Variants in CACNA2D4 observed in about 807,000 individuals in gnomAD.
CACNA2D4 encodes voltage-dependent calcium channel subunit alpha-2/delta-4.
A neutral mutation model predicts 163.8 loss-of-function variants in CACNA2D4; 157 were observed. The observed-to-expected ratio is 0.96, with a 90% CI of 0.84 to 1.09. CACNA2D4 has a LOEUF of 1.09. Ranked by LOEUF, CACNA2D4 falls within the 50% of genes least tolerant of loss-of-function variation. CACNA2D4 has a pLI of 0.00. For synonymous variants in CACNA2D4, 598 were observed against 586.9 expected, an observed-to-expected ratio of 1.02 and a Z score of -0.27; for missense variants, 1,410 against 1,479.9, an observed-to-expected ratio of 0.95 and a Z score of 0.78.
intron 34 of CACNA2D4, 95 bp from the exon 35 acceptor site, chr12:1,797,630 C>T: frequency 1.1e-6 from 1 of 901,974 alleles, no homozygotes; most frequent in South Asian, 1.4e-5. Flanking sequence ...CACCCCAGTG[C>T]ATTTGCAGAG....
rs180839579 is a variant in CACNA2D4, at chr12:1,875,572, G to C, written c.1720-235C>G. ...TCTGAGTGAATCTTCCCCATGGCAG[G>C]GAGCTCCCTATCTCGTGGGTCAGCT... On this transcript the variant is annotated intron_variant, in intron 16 of 37. Coordinates refer to ENST00000382722, the MANE Select transcript of CACNA2D4 (RefSeq NM_172364.5). The surrounding 1 kb of genome is among the most constrained non-coding windows in gnomAD (Gnocchi z 4.0). 6.6e-6 allele frequency among the ~76,000 whole-genome samples: 1 copy of C among 152,112 alleles called. No individual in the cohort carries two copies. The highest frequency in any genetic ancestry group is 1.5e-5 in the Non-Finnish European group (1 of 68,030).
Position 1,829,454 on chromosome 12 carries a change from G to A in CACNA2D4, c.2551+11285C>T, listed in dbSNP as rs2154447000. On this transcript the variant is annotated intron_variant, in intron 26 of 37. Coordinates refer to ENST00000382722, the MANE Select transcript of CACNA2D4 (RefSeq NM_172364.5). The surrounding 1 kb of genome is among the most constrained non-coding windows in gnomAD (Gnocchi z 4.2). ...ATGGCCAGAAAAAGGGTCTCCGGTGGCTTCCATGGCTGTACCTGTGCTCAC... is the reference window on the plus strand; with the variant it reads ...ATGGCCAGAAAAAGGGTCTCCGGTGACTTCCATGGCTGTACCTGTGCTCAC... Among the ~76,000 whole-genome samples the A allele has an allele frequency of 6.6e-6, 1 of 152,192 alleles. No individual in the cohort carries two copies. Among genetic ancestry groups the A allele is most frequent in the South Asian group, 2.1e-4 (1 of 4,822 alleles).
At chr12:1,848,760 G>A (rs1000041204) in intron 23 of CACNA2D4, among the ~76,000 whole-genome samples, 1 of 64,732 alleles carries the variant, frequency 1.5e-5, no homozygotes, top group African/African-American at 6.3e-5. Flanking sequence ...TTAACCCATT[G>A]CAATTATTAT....
intron 23 of CACNA2D4, among the ~76,000 whole-genome samples, chr12:1,849,438 C>T (rs1400012495): frequency 1.3e-5 from 2 of 152,180 alleles, no homozygotes; most frequent in East Asian, 1.9e-4. Flanking sequence ...GACTGCTTAA[C>T]ATTTTATTTA....
At position 1,834,766 on chromosome 12, in the gene CACNA2D4, A is replaced by G. The variant is rs1565699786; in HGVS notation, c.2551+5973T>C. ...CAGGTAGGAAGGGCGGGGAGAGCAC[A>G]CGGCATTGCTCAGCCACAGCTCCCA... On this transcript the variant is annotated intron_variant, in intron 26 of 37. Coordinates refer to ENST00000382722, the MANE Select transcript of CACNA2D4 (RefSeq NM_172364.5). This position sits in a 1 kb window ranked among gnomAD's most constrained non-coding sequence, Gnocchi z 7.6. The G allele has an allele frequency of 6.5e-7, 1 of 1,536,380 alleles. No homozygotes were observed. Among genetic ancestry groups the G allele is most frequent in the African/African-American group, 1.4e-5 (1 of 73,316 alleles).
Position 1,834,428 on chromosome 12 carries a change from C to G in CACNA2D4, c.2551+6311G>C. On this transcript the variant is annotated intron_variant, in intron 26 of 37. Transcript: ENST00000382722. The surrounding 1 kb of genome is among the most constrained non-coding windows in gnomAD (Gnocchi z 7.6). ...TGGGCCACCCTGCACCAAGGCCAGT[C>G]CAGAGCCTGCTAAGCCCAAGCCCGG... is the stretch of plus-strand genomic sequence containing the variant. 1 of 1,612,828 alleles carries G rather than the reference C, an allele frequency of 6.2e-7. No individual in the cohort carries two copies. Among genetic ancestry groups the G allele is most frequent in the Non-Finnish European group, 8.5e-7 (1 of 1,179,990 alleles).
chr12:1,884,468 C>T, intron 11 of CACNA2D4, 147 bp from the exon 12 acceptor site: 1 of 701,754 alleles, frequency 1.4e-6, no homozygotes, highest in Admixed American at 2.1e-5. Context: ...CAGGCAGCAA[C>T]ACAATTCGCC....
intron 26 of CACNA2D4, among the ~76,000 whole-genome samples, chr12:1,832,276 G>A (rs763484011): frequency 5.9e-5 from 9 of 152,200 alleles, no homozygotes; most frequent in African/African-American, 1.9e-4. Flanking sequence ...TTACCCTTTC[G>A]CTGTGGCAGG....
chr12:1,879,690 A>G (rs761478244), intron 14 of CACNA2D4, 114 bp downstream of exon 14: 6 of 839,030 alleles, frequency 7.2e-6, no homozygotes, highest in Non-Finnish European at 1.2e-5. Flanking sequence ...CTGCATTCAA[A>G]CCCTCCCAAG....
chr12:1,797,270 C>T (rs1863156975), intron 35 of CACNA2D4, 148 bp downstream of exon 35: 1 of 657,884 alleles, frequency 1.5e-6, no homozygotes, highest in Non-Finnish European at 2.7e-6. Flanking sequence ...GGGGAAGACC[C>T]CGGGAGCGTG....
intron 20 of CACNA2D4, 108 bp from the exon 21 acceptor site, chr12:1,856,337 G>T: frequency 2.5e-6 from 3 of 1,215,642 alleles, no homozygotes; most frequent in South Asian, 1.3e-5. Flanking sequence ...AGGGACTGGG[G>T]TCTGTTCTTT....
chr12:1,831,631 G>A (rs1864635579), intron 26 of CACNA2D4: 1 of 975,660 alleles, frequency 1.0e-6, no homozygotes, highest in Non-Finnish European at 1.5e-6. Context: ...CAGGCCAGGG[G>A]AAAGAAGGGG....
rs932898238 is a variant in CACNA2D4, at chr12:1,874,436, C to G, written c.1878+168G>C. Among the ~76,000 whole-genome samples, 2 of 152,182 alleles carry G rather than the reference C, an allele frequency of 1.3e-5. No individual in the cohort carries two copies. Among genetic ancestry groups the G allele is most frequent in the Non-Finnish European group, 2.9e-5 (2 of 68,034 alleles). ...TGTCATTCCCTGGCTAGGTGTTTCT[C>G]CAGGGCCAATGCACCCTGCGTATAC... On this transcript the variant is annotated intron_variant, in intron 18 of 37. Coordinates refer to ENST00000382722, the MANE Select transcript of CACNA2D4 (RefSeq NM_172364.5). This position sits in a 1 kb window ranked among gnomAD's most constrained non-coding sequence, Gnocchi z 4.4.
rs1379093880 is a variant in CACNA2D4, at chr12:1,801,640, CCCGT to C, written c.2722_2725del (p.Thr908GlufsTer12). The C allele has an allele frequency of 6.3e-7, 1 of 1,583,370 alleles. No individual in the cohort carries two copies. On this transcript the variant is annotated frameshift_variant and splice_region_variant, in exon 30 of 38. Coordinates refer to ENST00000382722, the MANE Select transcript of CACNA2D4 (RefSeq NM_172364.5). LOFTEE classifies it high-confidence loss of function. ...ACCATCCACCTCCCCCAGAAATCTT[CCCGT>C]CTGTGAGAGAGGGACAGCAGAGAGA...
At chr12:1,797,585 G>A in intron 34 of CACNA2D4, 50 bp from the exon 35 acceptor site, 3 of 1,400,116 alleles carry the variant, frequency 2.1e-6, no homozygotes, top group African/African-American at 1.4e-5. Flanking sequence ...TCTGGCCTGC[G>A]GTGACCTCGC....
At chr12:1,861,592 G>A (rs1307731872) in intron 18 of CACNA2D4, among the ~76,000 whole-genome samples, 2 of 151,870 alleles carry the variant, frequency 1.3e-5, no homozygotes, top group African/African-American at 2.4e-5. Context: ...ACAGGCACAC[G>A]CCACCACACC....
At position 1,858,540 on chromosome 12, in the gene CACNA2D4, C is replaced by A. The variant is rs369654437; in HGVS notation, c.2008+37G>T. 16 of 1,596,380 alleles carry A rather than the reference C, an allele frequency of 1.0e-5. No homozygotes were observed. The African/African-American group carries it at 2.0e-4, about 20-fold the overall frequency. ...GTGTCCCATGAGAGCCCATTATTTTCTGCTTAACTGTCCCTCAGCCCCTGG... is the reference window on the plus strand; with the variant it reads ...GTGTCCCATGAGAGCCCATTATTTTATGCTTAACTGTCCCTCAGCCCCTGG... On this transcript the variant is annotated intron_variant, in intron 20 of 37. Transcript: ENST00000382722.
intron 8 of CACNA2D4, 49 bp from the exon 9 acceptor site, chr12:1,886,088 C>A: frequency 6.4e-7 from 1 of 1,563,542 alleles, no homozygotes; most frequent in East Asian, 2.2e-5. Context: ...TAAACAGCAT[C>A]AGGTTGCAAA....
intron 26 of CACNA2D4, among the ~76,000 whole-genome samples, chr12:1,840,348 C>T (rs965550829): frequency 1.3e-5 from 2 of 148,406 alleles, no homozygotes; most frequent in African/African-American, 4.9e-5. Flanking sequence ...GCCAGCCTTC[C>T]TTTCAGCTAC....
Sources: gnomAD v4.1 joint callset for allele counts (sites outside exome capture counted in the v4.1 genomes callset) on GRCh38, gnomAD v4.1.1 for gene constraint, Gnocchi (gnomAD v3.1) non-coding constraint, MANE v1.5 for transcripts, NCBI Gene and HGNC (gene_info 2026-07-23, HGNC 2026-07-21) for gene names.